The following CATSPERT variants were observed in gnomAD, a reference collection of about 807,000 sequenced individuals.
CATSPERT encodes the protein cation channel sperm-associated targeting subunit tau.
At chr2:201,516,017 G>A in the CATSPERT span, among the ~76,000 whole-genome samples, 1 of 152,338 alleles carries the variant, frequency 6.6e-6, no homozygotes, top group Non-Finnish European at 1.5e-5. Context: ...TTTTGTCATT[G>A]TGTAAGCATC....
the CATSPERT span, chr2:201,535,761 T>TA: frequency 2.2e-6 from 3 of 1,353,910 alleles, no homozygotes; most frequent in Admixed American, 1.0e-4. Context: ...ATTTTCGATT[T>TA]ATTTGTATTT....
At chr2:201,489,292 T>C in the CATSPERT span, among the ~76,000 whole-genome samples, 4 of 152,220 alleles carry the variant, frequency 2.6e-5, no homozygotes, top group African/African-American at 9.6e-5. Context: ...ACACAATTTC[T>C]TACTTTGCTT....
chr2:201,546,342 T>G, the CATSPERT span, among the ~76,000 whole-genome samples: 1 of 152,206 alleles, frequency 6.6e-6, no homozygotes, highest in Non-Finnish European at 1.5e-5. Flanking sequence ...AGTCAACATG[T>G]ATAGGTTAGA....
the CATSPERT span, chr2:201,582,005 A>G: frequency 1.5e-5 from 22 of 1,469,208 alleles, no homozygotes; most frequent in African/African-American, 5.9e-5. Flanking sequence ...TAATAAACAA[A>G]AAAAGCCCAT....
At chr2:201,491,860 A>G in the CATSPERT span, 1 of 1,536,910 alleles carries the variant, frequency 6.5e-7, no homozygotes, top group Admixed American at 2.0e-5. Flanking sequence ...TGTTTTATGA[A>G]CAGAATTTTC....
At chr2:201,592,520 C>G in the CATSPERT span, among the ~76,000 whole-genome samples, 2 of 151,268 alleles carry the variant, frequency 1.3e-5, no homozygotes, top group Non-Finnish European at 1.5e-5. Context: ...AGGATTCCCT[C>G]TTTTTCTATT....
the CATSPERT span, among the ~76,000 whole-genome samples, chr2:201,600,471 G>A: frequency 6.6e-6 from 1 of 152,064 alleles, no homozygotes; most frequent in African/African-American, 2.4e-5. Context: ...AGCATTAGGA[G>A]AAATACCTAA....
At chr2:201,492,873 G>T in the CATSPERT span, 1 of 1,536,536 alleles carries the variant, frequency 6.5e-7, no homozygotes, top group African/African-American at 1.4e-5. Context: ...GGTAATGCTG[G>T]ATTTGTTTAC....
At chr2:201,590,240 G>T in the CATSPERT span, among the ~76,000 whole-genome samples, 1 of 151,548 alleles carries the variant, frequency 6.6e-6, no homozygotes, top group Non-Finnish European at 1.5e-5. Flanking sequence ...GTGGCGTTTG[G>T]TTTTTTGTTC....
the CATSPERT span, among the ~76,000 whole-genome samples, chr2:201,530,961 G>GTTTTTTTTTTTTTTT: frequency 1.1e-4 from 12 of 106,044 alleles, no homozygotes; most frequent in Admixed American, 2.5e-4. Flanking sequence ...TTTTTTGTGG[G>GTTTTTTTTTTTTTTT]TTTTTTTTTT....
chr2:201,501,040 T>C, the CATSPERT span, among the ~76,000 whole-genome samples: 2 of 151,956 alleles, frequency 1.3e-5, no homozygotes, highest in African/African-American at 2.4e-5. Flanking sequence ...CCAAAACTTA[T>C]GGGACACAGA....
the CATSPERT span, among the ~76,000 whole-genome samples, chr2:201,502,897 TG>T: frequency 1.7e-4 from 26 of 151,850 alleles, 1 homozygote; most frequent in Middle Eastern, 3.4e-3. Context: ...GATACTGTGT[TG>T]TTTTTTTTTT....
At chr2:201,541,741 G>A in the CATSPERT span, among the ~76,000 whole-genome samples, 4 of 151,458 alleles carry the variant, frequency 2.6e-5, no homozygotes, top group East Asian at 5.8e-4. Flanking sequence ...GACTACAGGC[G>A]TGAGCGACCA....
chr2:201,514,688 A>C, the CATSPERT span, among the ~76,000 whole-genome samples: 1 of 152,254 alleles, frequency 6.6e-6, no homozygotes, highest in African/African-American at 2.4e-5. Flanking sequence ...ATTGGGTATA[A>C]GTTTCTCTAG....
chr2:201,530,202 A>G, the CATSPERT span, among the ~76,000 whole-genome samples: 4 of 152,228 alleles, frequency 2.6e-5, no homozygotes, highest in Non-Finnish European at 5.9e-5. Flanking sequence ...GAGGTTCCCA[A>G]TAAAACTAAA....
chr2:201,615,332 A>G, the CATSPERT span, among the ~76,000 whole-genome samples: 1 of 152,258 alleles, frequency 6.6e-6, no homozygotes, highest in Non-Finnish European at 1.5e-5. Context: ...CAAATGTAAA[A>G]GAACAGAAAT....
chr2:201,545,894 G>T, the CATSPERT span, among the ~76,000 whole-genome samples: 2 of 152,088 alleles, frequency 1.3e-5, no homozygotes, highest in African/African-American at 4.8e-5. Context: ...AGTGATGAAT[G>T]TGGGAGATGA....
the CATSPERT span, among the ~76,000 whole-genome samples, chr2:201,559,580 C>T: frequency 6.6e-6 from 1 of 152,344 alleles, no homozygotes; most frequent in Middle Eastern, 3.4e-3. Flanking sequence ...TAAGAAACAG[C>T]CCAGTGAGAC....
At chr2:201,554,618 T>C in the CATSPERT span, 1 of 152,204 alleles carries the variant, frequency 6.6e-6, no homozygotes, top group Non-Finnish European at 1.5e-5. Context: ...CTAATAATTA[T>C]AGCAAGTTAA....
Sources: allele counts gnomAD v4.1 joint callset (sites outside exome capture counted in the v4.1 genomes callset), GRCh38; gene constraint gnomAD v4.1.1; transcripts MANE v1.5; gene names NCBI Gene and HGNC (gene_info 2026-07-23, HGNC 2026-07-21).